The following RCOR3 variants were observed in gnomAD, a reference collection of about 807,000 sequenced individuals.
The protein encoded by RCOR3 is REST corepressor 3.
RCOR3 carries 13 observed loss-of-function variants against 64.1 expected under a neutral mutation model. The ratio of observed to expected loss-of-function variants is 0.20; its 90% confidence interval spans 0.13 to 0.32. The LOEUF (loss-of-function observed/expected upper bound fraction) is 0.32. Ranked by LOEUF, RCOR3 falls within the 10% of genes least tolerant of loss-of-function variation. The pLI is 1.00. For missense variants in RCOR3, 489 were observed against 701.2 expected (o/e 0.70, Z 3.42); for synonymous variants, 215 against 239.0 (o/e 0.90, Z 0.93).
At chr1:211,276,231 C>A in intron 4 of RCOR3, 26 bp from the exon 5 acceptor site, 1 of 1,603,828 alleles carries the variant, frequency 6.2e-7, no homozygotes. Context: ...CCATTAAAAC[C>A]AAAGGGGAAT....
At chr1:211,308,963 T>C (rs1701214944) in intron 10 of RCOR3, among the ~76,000 whole-genome samples, 1 of 151,678 alleles carries the variant, frequency 6.6e-6, no homozygotes, top group African/African-American at 2.4e-5. Flanking sequence ...CTGTCTGCCT[T>C]GGCCTTCTAA....
intron 10 of RCOR3, among the ~76,000 whole-genome samples, chr1:211,310,030 C>T (rs1197388934): frequency 6.6e-6 from 1 of 152,154 alleles, no homozygotes; most frequent in Non-Finnish European, 1.5e-5. Flanking sequence ...CTAATACCTC[C>T]TGTGGTTTAG....
intron 5 of RCOR3, among the ~76,000 whole-genome samples, chr1:211,277,557 A>G (rs1342560368): frequency 6.6e-6 from 1 of 152,246 alleles, no homozygotes; most frequent in East Asian, 1.9e-4. Flanking sequence ...TGAAAGAAGC[A>G]AGACACAAAA....
At chr1:211,292,710 A>C (rs747419627) in intron 8 of RCOR3, among the ~76,000 whole-genome samples, 3 of 152,174 alleles carry the variant, frequency 2.0e-5, no homozygotes, top group Non-Finnish European at 4.4e-5. Flanking sequence ...TGTCTCAGTG[A>C]GTAGTGCCAC....
At chr1:211,300,462 G>A (rs1287065311) in intron 9 of RCOR3, among the ~76,000 whole-genome samples, 2 of 151,958 alleles carry the variant, frequency 1.3e-5, no homozygotes, top group Non-Finnish European at 2.9e-5. Flanking sequence ...GATTCCCCTT[G>A]CCTTTTTCTG....
chr1:211,304,250 G>T, intron 10 of RCOR3, 110 bp downstream of exon 10: 1 of 708,466 alleles, frequency 1.4e-6, no homozygotes. Flanking sequence ...AAGGGCTCTT[G>T]TGTTTATCAC....
chr1:211,277,216 A>G (rs779064274), intron 5 of RCOR3, among the ~76,000 whole-genome samples: 1 of 149,760 alleles, frequency 6.7e-6, no homozygotes, highest in Non-Finnish European at 1.5e-5. Flanking sequence ...TAGTTCCTAC[A>G]TTTTTAGTAT....
intron 9 of RCOR3, among the ~76,000 whole-genome samples, chr1:211,296,521 T>C (rs1198741516): frequency 6.6e-6 from 1 of 152,150 alleles, no homozygotes; most frequent in Non-Finnish European, 1.5e-5. Context: ...AAGAACTTGG[T>C]TGACTGAAAC....
intron 8 of RCOR3, among the ~76,000 whole-genome samples, chr1:211,293,306 A>G (rs569845139): frequency 3.3e-5 from 5 of 152,216 alleles, no homozygotes; most frequent in Non-Finnish European, 5.9e-5. Flanking sequence ...GTCTTTCTAA[A>G]AGGCATATAT....
intron 2 of RCOR3, among the ~76,000 whole-genome samples, chr1:211,270,777 G>A (rs548932306): frequency 7.8e-4 from 118 of 151,340 alleles, no homozygotes; most frequent in African/African-American, 2.6e-3. Context: ...ATGTAAATCT[G>A]TTTTCCTTCT....
intron 2 of RCOR3, among the ~76,000 whole-genome samples, chr1:211,268,687 C>T (rs2102454041): frequency 6.6e-6 from 1 of 152,104 alleles, no homozygotes; most frequent in African/African-American, 2.4e-5. Flanking sequence ...AGTTTATTTT[C>T]ATTGAATATA....
At chr1:211,282,370 A>G (rs1342293594) in intron 7 of RCOR3, among the ~76,000 whole-genome samples, 2 of 152,236 alleles carry the variant, frequency 1.3e-5, no homozygotes, top group Non-Finnish European at 2.9e-5. Context: ...TTGTTAACAT[A>G]TTACATAGAA....
At position 211,316,130 on chromosome 1, in the gene RCOR3, G is replaced by A. The variant is rs1160846509; in HGVS notation, c.*2362G>A. 1 of 152,032 alleles carries A rather than the reference G, an allele frequency of 6.6e-6. No homozygotes were observed. Among genetic ancestry groups the A allele is most frequent in the East Asian group, 1.9e-4 (1 of 5,188 alleles). The allele number at this position is 152,032 out of a possible 1,614,324, so 9.4% of individuals were successfully genotyped here. A position where few individuals can be genotyped will look rare whatever the true frequency, so the allele number is the denominator to read the frequency against. On this transcript the variant is annotated 3_prime_UTR_variant, in exon 12 of 12. Transcript: ENST00000419091. ...AAAGCAAAACTAGAAATCTTTTAAT[G>A]ACAATTTTCATTAATTTCAGGGTTA...
chr1:211,315,428 C>G lies in RCOR3; in HGVS notation c.*1660C>G, dbSNP rs180895473. 3 of 152,148 alleles carry G rather than the reference C, an allele frequency of 2.0e-5. No individual in the cohort carries two copies. The highest frequency in any genetic ancestry group is 2.0e-4 in the Admixed American group (3 of 15,286). The allele number at this position is 152,148 out of a possible 1,614,324, so 9.4% of individuals were successfully genotyped here. ...TACTGGCATATTTGAAACTCTTTTTCCAGGTTAGGTCCTTTTCTTTCTCAT... is the reference window on the plus strand; with the variant it reads ...TACTGGCATATTTGAAACTCTTTTTGCAGGTTAGGTCCTTTTCTTTCTCAT... On this transcript the variant is annotated 3_prime_UTR_variant, in exon 12 of 12. Transcript: ENST00000419091.
chr1:211,269,061 C>A (rs1453160791), intron 2 of RCOR3, among the ~76,000 whole-genome samples: 1 of 152,032 alleles, frequency 6.6e-6, no homozygotes, highest in Non-Finnish European at 1.5e-5. Flanking sequence ...TTCTTCATTC[C>A]AAGTATCTTA....
intron 2 of RCOR3, 79 bp from the exon 3 acceptor site, chr1:211,271,152 TG>T: frequency 7.6e-7 from 1 of 1,313,326 alleles, no homozygotes. Flanking sequence ...CCACCGTGCC[TG>T]GGCAGCTTAC....
rs1238032734 is a variant in RCOR3, at chr1:211,264,066, G to A, written c.223+3902G>A. Among the ~76,000 whole-genome samples the A allele has an allele frequency of 5.9e-5, 9 of 152,148 alleles. No homozygotes were observed. The South Asian group carries it at 8.3e-4, about 14-fold the overall frequency. On this transcript the variant is annotated intron_variant, in intron 2 of 11. Coordinates refer to ENST00000419091, the MANE Select transcript of RCOR3 (RefSeq NM_001136223.3). ...TTGAACTCCTGGTCTCAGGTCATCC[G>A]CGTGCCTTGGCCTCCCAAAGTGTTG...
intron 2 of RCOR3, chr1:211,261,154 T>G (rs982093349): frequency 1.3e-5 from 2 of 152,210 alleles, no homozygotes; most frequent in African/African-American, 4.8e-5. Flanking sequence ...ATATTGCGTT[T>G]GTGTCAGACA....
chr1:211,263,673 CTG>C (rs537984455), intron 2 of RCOR3, among the ~76,000 whole-genome samples: 140 of 152,174 alleles, frequency 9.2e-4, no homozygotes, highest in Middle Eastern at 3.2e-3. Context: ...TACTGGGCCT[CTG>C]TCATTCAACA....
Sources: gnomAD v4.1 joint callset for allele counts (sites outside exome capture counted in the v4.1 genomes callset) on GRCh38, gnomAD v4.1.1 for gene constraint, MANE v1.5 for transcripts, NCBI Gene and HGNC (gene_info 2026-07-23, HGNC 2026-07-21) for gene names.